Variants in PLD5 observed in about 807,000 individuals in gnomAD.
PLD5 encodes the protein phospholipase D family member 5.
Under a neutral mutation model 61.1 loss-of-function variants are expected in PLD5, and 36 were observed. The ratio of observed to expected loss-of-function variants is 0.59; its 90% confidence interval spans 0.45 to 0.78. PLD5 has a LOEUF of 0.78. Among genes scored for constraint, PLD5 ranks in the 30% least tolerant of loss-of-function variants. PLD5 has a pLI of 0.00. For missense variants in PLD5, 515 were observed against 644.4 expected, an observed-to-expected ratio of 0.80 and a Z score of 2.17; for synonymous variants, 243 against 242.8, an observed-to-expected ratio of 1.00 and a Z score of -0.01.
chr1:242,465,109 C>A (rs1432958896), intron 1 of PLD5, among the ~76,000 whole-genome samples: 3 of 152,154 alleles, frequency 2.0e-5, no homozygotes, highest in Non-Finnish European at 2.9e-5. Flanking sequence ...CCAAATGCCA[C>A]TGAATTGTAC....
Position 242,089,713 on chromosome 1 carries a change from A to C in PLD5, c.*141T>G. ...GACGCTAAGATATTGTTAGATAGGT[A>C]TTATGTGTTGTTCAGAGAATATTTT... On this transcript the variant is annotated 3_prime_UTR_variant, in exon 10 of 10. Coordinates refer to ENST00000536534, the MANE Select transcript of PLD5 (RefSeq NM_001372062.1). 9.6e-7 allele frequency: 1 copy of C among 1,041,690 alleles called. No homozygotes were observed. Among genetic ancestry groups the C allele is most frequent in the Non-Finnish European group, 1.4e-6 (1 of 706,892 alleles). 64.5% of individuals were successfully genotyped at this position (1,041,690 alleles called of 1,614,324 possible).
At chr1:242,254,071 T>C (rs1394533947) in intron 4 of PLD5, among the ~76,000 whole-genome samples, 3 of 152,008 alleles carry the variant, frequency 2.0e-5, no homozygotes, top group African/African-American at 7.2e-5. Flanking sequence ...CCAAAGACGA[T>C]CTGTAATGTA....
intron 1 of PLD5, among the ~76,000 whole-genome samples, chr1:242,415,780 A>G (rs952684047): frequency 2.6e-5 from 4 of 152,130 alleles, no homozygotes; most frequent in Admixed American, 6.5e-5. Context: ...AAGTGCTGGG[A>G]TTACAGGCAT....
chr1:242,382,448 G>A (rs540860051), intron 1 of PLD5, among the ~76,000 whole-genome samples: 11 of 152,248 alleles, frequency 7.2e-5, no homozygotes, highest in Admixed American at 1.3e-4. Flanking sequence ...GAGACTGTGA[G>A]GTGGGAATGT....
intron 1 of PLD5, among the ~76,000 whole-genome samples, chr1:242,366,678 G>T (rs966599921): frequency 6.6e-6 from 1 of 152,012 alleles, no homozygotes; most frequent in East Asian, 1.9e-4. Flanking sequence ...TGCTTTTCTG[G>T]TAATAAATTC....
chr1:242,348,684 C>T (rs2149220604), intron 1 of PLD5, among the ~76,000 whole-genome samples: 1 of 152,334 alleles, frequency 6.6e-6, no homozygotes, highest in Admixed American at 6.5e-5. Context: ...TGACAGAACC[C>T]TCAGGAGATC....
At chr1:242,342,937 A>T (rs1241916842) in intron 2 of PLD5, among the ~76,000 whole-genome samples, 1 of 152,214 alleles carries the variant, frequency 6.6e-6, no homozygotes, top group African/African-American at 2.4e-5. Context: ...AAAGGGGGGA[A>T]GAAATAAAAC....
At chr1:242,185,655 G>A (rs1408448887) in intron 5 of PLD5, among the ~76,000 whole-genome samples, 1 of 152,136 alleles carries the variant, frequency 6.6e-6, no homozygotes, top group African/African-American at 2.4e-5. Flanking sequence ...TCCCTTAAGA[G>A]TCTCTTAATT....
intron 1 of PLD5, among the ~76,000 whole-genome samples, chr1:242,520,658 G>C (rs140223115): frequency 1.4e-3 from 207 of 152,274 alleles, no homozygotes; most frequent in Non-Finnish European, 2.3e-3. Flanking sequence ...AGGCAACAAA[G>C]TAGAGTGGGC....
rs114724776 is a variant in PLD5 at position 242,386,984 on chromosome 1, T to C, written c.190-38742A>G. On this transcript the variant is annotated intron_variant, in intron 1 of 9. Transcript: ENST00000536534. ...ACCAACCCTTTACTCTGAAAATTCATGATCAAAGGGAAAAGGGGGAAATTA... is the reference window on the plus strand; with the variant it reads ...ACCAACCCTTTACTCTGAAAATTCACGATCAAAGGGAAAAGGGGGAAATTA... Among the ~76,000 whole-genome samples, 584 of 152,288 alleles carry C rather than the reference T, an allele frequency of 3.8e-3. 6 individuals carry two copies. Among genetic ancestry groups the C allele is most frequent in the Non-Finnish European group, 5.8e-3 (395 of 68,020 alleles).
chr1:242,337,843 C>G (rs1359878732), intron 2 of PLD5, among the ~76,000 whole-genome samples: 1 of 152,104 alleles, frequency 6.6e-6, no homozygotes. Flanking sequence ...CTGAACTTAC[C>G]TAAGTTTCAT....
At position 242,302,092 on chromosome 1, in the gene PLD5, C is replaced by T. The variant is rs182353813; in HGVS notation, c.327-13562G>A. ...CACTGCACCCAGCCAACAGTACCTT[C>T]CCTAGGTTTAGATACATTTGGGTAC... On this transcript the variant is annotated intron_variant, in intron 2 of 9. Coordinates refer to ENST00000536534, the MANE Select transcript of PLD5 (RefSeq NM_001372062.1). Among the ~76,000 whole-genome samples, 97 of 152,284 alleles carry T rather than the reference C, an allele frequency of 6.4e-4. 1 individual carries two copies. Among genetic ancestry groups the T allele is most frequent in the African/African-American group, 2.1e-3 (87 of 41,554 alleles).
At chr1:242,118,546 A>G (rs1319048372) in intron 6 of PLD5, among the ~76,000 whole-genome samples, 1 of 152,240 alleles carries the variant, frequency 6.6e-6, no homozygotes, top group African/African-American at 2.4e-5. Flanking sequence ...TTATATGCTC[A>G]ATACATACTT....
chr1:242,455,596 C>T (rs1032864857), intron 1 of PLD5, among the ~76,000 whole-genome samples: 1 of 152,330 alleles, frequency 6.6e-6, no homozygotes, highest in Non-Finnish European at 1.5e-5. Context: ...TCAGTGCAAG[C>T]CTGTTTAGAA....
chr1:242,411,775 T>G (rs1204111282), intron 1 of PLD5, among the ~76,000 whole-genome samples: 1 of 152,160 alleles, frequency 6.6e-6, no homozygotes. Flanking sequence ...AAAATTATAA[T>G]ATTGACAACC....
intron 1 of PLD5, among the ~76,000 whole-genome samples, chr1:242,433,580 G>A (rs57406578): frequency 0.023 from 3,473 of 152,182 alleles, 153 homozygotes; most frequent in African/African-American, 0.078. Context: ...TATGAGCAAC[G>A]CATTGACCCA....
intron 1 of PLD5, among the ~76,000 whole-genome samples, chr1:242,444,128 C>A (rs1666398095): frequency 6.6e-6 from 1 of 152,142 alleles, no homozygotes; most frequent in Admixed American, 6.5e-5. Flanking sequence ...AAGACCACAG[C>A]AAAATGAATG....
intron 9 of PLD5, among the ~76,000 whole-genome samples, chr1:242,092,279 C>A (rs1422910710): frequency 6.6e-6 from 1 of 152,012 alleles, no homozygotes; most frequent in African/African-American, 2.4e-5. Context: ...GGTGCAACCA[C>A]CGGAACCAGC....
chr1:242,404,090 G>T (rs914360612), intron 1 of PLD5, among the ~76,000 whole-genome samples: 25 of 152,044 alleles, frequency 1.6e-4, no homozygotes, highest in South Asian at 2.1e-4. Context: ...AACAGAAACC[G>T]GTCCCTGCCC....
Sources: allele counts gnomAD v4.1 joint callset (sites outside exome capture counted in the v4.1 genomes callset), GRCh38; gene constraint gnomAD v4.1.1; transcripts MANE v1.5; gene names NCBI Gene and HGNC (gene_info 2026-07-23, HGNC 2026-07-21).